GRM5: variants seen among roughly 807,000 people sequenced by gnomAD.
GRM5 encodes metabotropic glutamate receptor 5.
Under a neutral mutation model 83.1 loss-of-function variants are expected in GRM5, and 19 were observed. The observed-to-expected ratio is 0.23, with a 90% CI of 0.16 to 0.34. The LOEUF (loss-of-function observed/expected upper bound fraction) is 0.34, where lower values mean the gene tolerates loss of function less well. GRM5 is among the 10% of genes least tolerant of loss of function. GRM5 has a pLI of 1.00. For missense variants in GRM5, 1,160 were observed against 1,588.3 expected (o/e 0.73, Z 4.58); for synonymous variants, 675 against 633.6 (o/e 1.07, Z -0.98).
intron 2 of GRM5, among the ~76,000 whole-genome samples, chr11:88,993,771 G>C (rs1352588189): frequency 1.3e-5 from 2 of 152,094 alleles, no homozygotes; most frequent in Non-Finnish European, 2.9e-5. Context: ...GTCCAGGCTG[G>C]AGTGCAGTGA....
At chr11:88,685,071 T>C (rs1940586089) in intron 3 of GRM5, among the ~76,000 whole-genome samples, 2 of 152,254 alleles carry the variant, frequency 1.3e-5, no homozygotes, top group Middle Eastern at 3.4e-3. Flanking sequence ...TTTGGAGGGC[T>C]CAGAAGAAGA....
At chr11:88,925,595 A>G (rs1432582490) in intron 2 of GRM5, among the ~76,000 whole-genome samples, 5 of 152,176 alleles carry the variant, frequency 3.3e-5, no homozygotes, top group Admixed American at 6.6e-5. Flanking sequence ...AAAATCAAAA[A>G]GCACCTCAAG....
At chr11:88,862,399 G>A (rs1392908667) in intron 2 of GRM5, among the ~76,000 whole-genome samples, 2 of 151,840 alleles carry the variant, frequency 1.3e-5, no homozygotes, top group African/African-American at 4.8e-5. Flanking sequence ...GTTTTTTGGG[G>A]AAATATAGTC....
intron 3 of GRM5, among the ~76,000 whole-genome samples, chr11:88,815,143 A>G (rs1943653141): frequency 6.6e-6 from 1 of 152,212 alleles, no homozygotes; most frequent in Admixed American, 6.5e-5. Context: ...TCAAGGACAC[A>G]CAAAACACTT....
rs151142832 is a variant in GRM5, at chr11:88,633,261, C to A, written c.1147+19907G>T. 2.4e-4 allele frequency among the ~76,000 whole-genome samples: 36 copies of A among 152,238 alleles called. No homozygotes were observed. The East Asian group carries it at 5.6e-3, about 24-fold the overall frequency. ...CATTGTTATTATTTTTTAAGAATTT[C>A]TCATCTACCCCAATTATAGGTAAAT... On this transcript the variant is annotated intron_variant, in intron 4 of 9. Coordinates refer to ENST00000305447, the MANE Select transcript of GRM5 (RefSeq NM_001143831.3).
intron 2 of GRM5, among the ~76,000 whole-genome samples, chr11:89,040,875 C>CTAT (rs1941515630): frequency 1.3e-5 from 2 of 152,204 alleles, no homozygotes; most frequent in African/African-American, 4.8e-5. Context: ...TTGAGGATCT[C>CTAT]TATTCTTGCT....
chr11:88,987,228 T>G (rs1268671522), intron 2 of GRM5, among the ~76,000 whole-genome samples: 2 of 152,124 alleles, frequency 1.3e-5, no homozygotes, highest in Non-Finnish European at 2.9e-5. Flanking sequence ...TTCCCTTTCC[T>G]AGTCAAAGAA....
At chr11:88,677,049 AAATT>A in intron 3 of GRM5, among the ~76,000 whole-genome samples, 1 of 152,218 alleles carries the variant, frequency 6.6e-6, no homozygotes, top group East Asian at 1.9e-4. Context: ...GTTGTATGGT[AAATT>A]AATTAAGAAC....
At chr11:88,734,713 C>G (rs902068599) in intron 3 of GRM5, among the ~76,000 whole-genome samples, 1 of 152,028 alleles carries the variant, frequency 6.6e-6, no homozygotes, top group Non-Finnish European at 1.5e-5. Flanking sequence ...CTGTCTGTCA[C>G]AGATGCTAGT....
At chr11:88,975,834 A>C (rs560525301) in intron 2 of GRM5, among the ~76,000 whole-genome samples, 2 of 152,328 alleles carry the variant, frequency 1.3e-5, no homozygotes, top group African/African-American at 4.8e-5. Context: ...GAAGCCAAAC[A>C]TTGGTAAGTC....
chr11:88,957,055 A>G lies in GRM5; in HGVS notation c.661+90157T>C, dbSNP rs73542528. Among the ~76,000 whole-genome samples, 197 of 152,348 alleles carry G rather than the reference A, an allele frequency of 1.3e-3. 2 individuals are homozygous for G. Among genetic ancestry groups the G allele is most frequent in the African/African-American group, 4.5e-3 (189 of 41,588 alleles). ...ATTGCAGTTCAAGGTGAAAAGTGCTATGAACAAGGAAAATAGAATATACTA... is the reference window on the plus strand; with the variant it reads ...ATTGCAGTTCAAGGTGAAAAGTGCTGTGAACAAGGAAAATAGAATATACTA... On this transcript the variant is annotated intron_variant, in intron 2 of 9. Coordinates refer to ENST00000305447, the MANE Select transcript of GRM5 (RefSeq NM_001143831.3).
At chr11:88,869,528 G>C (rs1236335520) in intron 2 of GRM5, among the ~76,000 whole-genome samples, 3 of 151,134 alleles carry the variant, frequency 2.0e-5, no homozygotes, top group Non-Finnish European at 1.5e-5. Flanking sequence ...AAATTGTAAG[G>C]CATAAATTTT....
chr11:88,761,499 T>C (rs1024544482), intron 3 of GRM5, among the ~76,000 whole-genome samples: 2 of 151,930 alleles, frequency 1.3e-5, no homozygotes, highest in Non-Finnish European at 2.9e-5. Context: ...TAACCAGGAA[T>C]GTGAAAGATC....
chr11:88,966,355 C>T (rs1201034184), intron 2 of GRM5, among the ~76,000 whole-genome samples: 2 of 151,562 alleles, frequency 1.3e-5, no homozygotes, highest in African/African-American at 4.9e-5. Flanking sequence ...GCAAGCAAAT[C>T]GAAAAACTAG....
chr11:88,769,219 TGAG>T (rs1942681192), intron 3 of GRM5, among the ~76,000 whole-genome samples: 1 of 151,952 alleles, frequency 6.6e-6, no homozygotes, highest in South Asian at 2.1e-4. Context: ...ATTGGCATGG[TGAG>T]GAGATGAGAT....
At chr11:88,722,862 T>C (rs1434132858) in intron 3 of GRM5, among the ~76,000 whole-genome samples, 1 of 150,952 alleles carries the variant, frequency 6.6e-6, no homozygotes, top group Non-Finnish European at 1.5e-5. Flanking sequence ...TATTGATACA[T>C]TATTATTGAC....
intron 5 of GRM5, among the ~76,000 whole-genome samples, chr11:88,601,581 TTC>T (rs2135226875): frequency 6.6e-6 from 1 of 152,286 alleles, no homozygotes; most frequent in African/African-American, 2.4e-5. Context: ...CAATTTCAAA[TTC>T]TTTTTCATTT....
chr11:88,675,528 T>A (rs1189695821), intron 3 of GRM5, among the ~76,000 whole-genome samples: 1 of 151,956 alleles, frequency 6.6e-6, no homozygotes, highest in Non-Finnish European at 1.5e-5. Flanking sequence ...AGTATTTTGG[T>A]TAACAAAATT....
At chr11:88,885,759 C>G (rs1185114393) in intron 2 of GRM5, among the ~76,000 whole-genome samples, 1 of 152,072 alleles carries the variant, frequency 6.6e-6, no homozygotes, top group Non-Finnish European at 1.5e-5. Context: ...CTCAGTCACA[C>G]TTTTTACCTC....
Sources: allele counts gnomAD v4.1 joint callset (sites outside exome capture counted in the v4.1 genomes callset), GRCh38; gene constraint gnomAD v4.1.1; transcripts MANE v1.5; gene names NCBI Gene and HGNC (gene_info 2026-07-23, HGNC 2026-07-21).